Variants in ULK4 observed in about 807,000 individuals in gnomAD.
The protein encoded by ULK4 is inactive serine/threonine-protein kinase ULK4.
A neutral mutation model predicts 160.6 loss-of-function variants in ULK4; 133 were observed. The observed-to-expected ratio is 0.83, with a 90% CI of 0.72 to 0.96. ULK4 has a LOEUF of 0.96. Ranked by LOEUF, ULK4 falls within the 40% of genes least tolerant of loss-of-function variation. ULK4 has a pLI of 0.00. For missense variants in ULK4, 1,580 were observed against 1,499.5 expected, an observed-to-expected ratio of 1.05 and a Z score of -0.89; for synonymous variants, 534 against 539.8, an observed-to-expected ratio of 0.99 and a Z score of 0.15.
In ULK4 at chr3:41,882,277, T is replaced by C. The variant is rs146851645; in HGVS notation, c.1656+1597A>G. 3.1e-5 allele frequency: 22 copies of C among 703,018 alleles called. No individual in the cohort carries two copies. The East Asian group carries it at 4.8e-4, about 15-fold the overall frequency. The allele number at this position is 703,018 out of a possible 1,614,324, so 43.5% of individuals were successfully genotyped here. On this transcript the variant is annotated intron_variant, in intron 17 of 36. Coordinates refer to ENST00000301831, the MANE Select transcript of ULK4 (RefSeq NM_017886.4). ...AAAATCCCGATTCCAATGGAGCTTGTAGTCTAGTGTGGAAAGAGAAATAAA... is the reference window on the plus strand; with the variant it reads ...AAAATCCCGATTCCAATGGAGCTTGCAGTCTAGTGTGGAAAGAGAAATAAA...
intron 32 of ULK4, among the ~76,000 whole-genome samples, chr3:41,481,544 C>T (rs1381526921): frequency 6.6e-6 from 1 of 152,162 alleles, no homozygotes; most frequent in Admixed American, 6.5e-5. Context: ...AAAAGCATTC[C>T]TGGCCGGGCG....
intron 18 of ULK4, among the ~76,000 whole-genome samples, chr3:41,834,322 G>T (rs886545314): frequency 2.0e-5 from 3 of 151,880 alleles, no homozygotes; most frequent in South Asian, 4.2e-4. Context: ...TGCATTGGAG[G>T]ACTATATAAA....
intron 30 of ULK4, among the ~76,000 whole-genome samples, chr3:41,637,795 TAGTG>T (rs1439357249): frequency 1.3e-5 from 2 of 152,236 alleles, no homozygotes; most frequent in Non-Finnish European, 2.9e-5. Context: ...TGATTAGTAA[TAGTG>T]AGCATTTCTT....
intron 31 of ULK4, among the ~76,000 whole-genome samples, chr3:41,574,680 T>C (rs1219032452): frequency 6.6e-6 from 1 of 152,014 alleles, no homozygotes; most frequent in Non-Finnish European, 1.5e-5. Flanking sequence ...TAGCTGGGAC[T>C]ACAGTTGCCT....
chr3:41,391,186 AATCAGTGGCAGAGAATGCTT>A (rs1230540522), intron 35 of ULK4, among the ~76,000 whole-genome samples: 1 of 152,128 alleles, frequency 6.6e-6, no homozygotes, highest in Non-Finnish European at 1.5e-5. Flanking sequence ...ACCCTATGGC[AATCAGTGGCAGAGAATGCTT>A]ATCCAGTGGA....
chr3:41,558,871 TATTTA>T (rs1353058676), intron 32 of ULK4, among the ~76,000 whole-genome samples: 1 of 151,542 alleles, frequency 6.6e-6, no homozygotes, highest in African/African-American at 2.4e-5. Context: ...TATTTTATTT[TATTTA>T]TTTATTTATT....
At chr3:41,757,558 G>A (rs1332332050) in intron 21 of ULK4, among the ~76,000 whole-genome samples, 1 of 149,246 alleles carries the variant, frequency 6.7e-6, no homozygotes, top group African/African-American at 2.5e-5. Context: ...TGTGAACCCA[G>A]GAGGCGGAGC....
At chr3:41,387,742 A>T (rs1481845964) in intron 35 of ULK4, among the ~76,000 whole-genome samples, 1 of 152,180 alleles carries the variant, frequency 6.6e-6, no homozygotes, top group African/African-American at 2.4e-5. Context: ...CATGGTGTAT[A>T]TGTGCCACAT....
intron 35 of ULK4, among the ~76,000 whole-genome samples, chr3:41,396,129 TG>T (rs1490716331): frequency 1.3e-5 from 2 of 152,240 alleles, no homozygotes; most frequent in East Asian, 1.9e-4. Context: ...TCGTAAGTTT[TG>T]TTCAAAAACA....
At chr3:41,488,002 G>T (rs2084603066) in intron 32 of ULK4, among the ~76,000 whole-genome samples, 1 of 152,094 alleles carries the variant, frequency 6.6e-6, no homozygotes, top group Non-Finnish European at 1.5e-5. Context: ...ATTCTATGAA[G>T]AGTGCTCAAC....
At chr3:41,322,019 CTTTTATTTTA>C (rs151116053) in intron 35 of ULK4, among the ~76,000 whole-genome samples, 2,317 of 143,640 alleles carry the variant, frequency 0.016, 426 homozygotes, top group African/African-American at 0.06. Flanking sequence ...TGCTCTAAAG[CTTTTATTTTA>C]TTTTATTTTA....
intron 5 of ULK4, among the ~76,000 whole-genome samples, chr3:41,923,706 A>G (rs1699281508): frequency 6.6e-6 from 1 of 152,170 alleles, no homozygotes; most frequent in East Asian, 1.9e-4. Context: ...GTGAAGCACA[A>G]TCTTCTGGCC....
intron 35 of ULK4, among the ~76,000 whole-genome samples, chr3:41,313,742 A>G (rs896919325): frequency 6.6e-6 from 1 of 152,210 alleles, no homozygotes; most frequent in African/African-American, 2.4e-5. Flanking sequence ...GTGGTTTTAA[A>G]ACATACCTGG....
intron 34 of ULK4, among the ~76,000 whole-genome samples, chr3:41,416,650 A>G (rs1016987411): frequency 1.3e-5 from 2 of 152,220 alleles, no homozygotes; most frequent in Non-Finnish European, 2.9e-5. Flanking sequence ...GAAAAGGAGA[A>G]AAGAGATCCA....
At chr3:41,830,349 T>C (rs1279932076) in intron 18 of ULK4, among the ~76,000 whole-genome samples, 2 of 152,072 alleles carry the variant, frequency 1.3e-5, no homozygotes, top group Non-Finnish European at 2.9e-5. Flanking sequence ...CTTTTAGATC[T>C]AGTAGGAACA....
chr3:41,945,942 C>T (rs1334804255), intron 2 of ULK4, among the ~76,000 whole-genome samples: 1 of 152,132 alleles, frequency 6.6e-6, no homozygotes, highest in Non-Finnish European at 1.5e-5. Context: ...TGTATTCAGA[C>T]TCTTCATTCA....
At chr3:41,602,675 A>T (rs2032175752) in intron 31 of ULK4, among the ~76,000 whole-genome samples, 1 of 152,166 alleles carries the variant, frequency 6.6e-6, no homozygotes, top group African/African-American at 2.4e-5. Flanking sequence ...CCTAAAAATG[A>T]GCCATAATCA....
chr3:41,777,213 G>A (rs556466091), intron 21 of ULK4, among the ~76,000 whole-genome samples: 1,689 of 102,470 alleles, frequency 0.016, 58 homozygotes, highest in Middle Eastern at 0.028. Context: ...TTTGCGTAGA[G>A]GGGTTTGTAG....
chr3:41,595,245 C>T (rs1470174594), intron 31 of ULK4, among the ~76,000 whole-genome samples: 2 of 152,096 alleles, frequency 1.3e-5, no homozygotes, highest in Non-Finnish European at 2.9e-5. Flanking sequence ...AGAGACCAGG[C>T]AGTAACCCCC....
Sources: allele counts gnomAD v4.1 joint callset (sites outside exome capture counted in the v4.1 genomes callset), GRCh38; gene constraint gnomAD v4.1.1; transcripts MANE v1.5; gene names NCBI Gene and HGNC (gene_info 2026-07-23, HGNC 2026-07-21).